The following UVRAG variants were observed in gnomAD, a reference collection of about 807,000 sequenced individuals.
The protein encoded by UVRAG is UV radiation resistance-associated gene protein.
UVRAG carries 19 observed loss-of-function variants against 78.0 expected under a neutral mutation model. The ratio of observed to expected loss-of-function variants is 0.24; its 90% CI spans 0.17 to 0.36. UVRAG has a LOEUF of 0.36. UVRAG is among the 10% of genes least tolerant of loss of function. The probability of loss-of-function intolerance (pLI) is 1.00; values close to 1 mark genes in which losing one functional copy is unlikely to be tolerated. For missense variants in UVRAG, 740 were observed against 853.8 expected (o/e 0.87, Z 1.66); for synonymous variants, 323 against 324.6 (o/e 1.00, Z 0.05).
At chr11:76,135,956 A>T (rs896797599) in intron 14 of UVRAG, among the ~76,000 whole-genome samples, 1 of 152,228 alleles carries the variant, frequency 6.6e-6, no homozygotes, top group African/African-American at 2.4e-5. Context: ...CAATATAAAT[A>T]ATGTACTAAT....
At chr11:76,072,198 A>G (rs185356182) in intron 13 of UVRAG, among the ~76,000 whole-genome samples, 18 of 152,282 alleles carry the variant, frequency 1.2e-4, no homozygotes, top group Admixed American at 1.2e-3. Flanking sequence ...GAACCAGCAA[A>G]AACTGAGAGG....
At chr11:75,969,452 AC>A (rs1203793053) in intron 7 of UVRAG, among the ~76,000 whole-genome samples, 4 of 152,190 alleles carry the variant, frequency 2.6e-5, no homozygotes, top group African/African-American at 9.6e-5. Context: ...TTCTGTTTTT[AC>A]AGTGGGGTGG....
intron 11 of UVRAG, among the ~76,000 whole-genome samples, chr11:76,011,271 C>A (rs1950045380): frequency 6.6e-6 from 1 of 152,108 alleles, no homozygotes; most frequent in Non-Finnish European, 1.5e-5. Context: ...ATTCCCATTC[C>A]CCATTACCCT....
At chr11:75,974,005 G>A (rs1046238808) in intron 7 of UVRAG, among the ~76,000 whole-genome samples, 6 of 152,172 alleles carry the variant, frequency 3.9e-5, no homozygotes, top group Admixed American at 6.5e-5. Context: ...GAATAGTGCC[G>A]CAATAAACAT....
intron 2 of UVRAG, among the ~76,000 whole-genome samples, chr11:75,858,993 G>A (rs943858275): frequency 5.3e-5 from 8 of 152,106 alleles, no homozygotes; most frequent in Non-Finnish European, 1.0e-4. Context: ...TGATTGCTTT[G>A]TTTCTTTCCG....
rs145484491 is a variant in UVRAG, at chr11:75,872,550, G to T, written c.271-7329G>T. Reference sequence around the variant, plus strand: ...ATACAGGCGCGCCCCACCACGCCCGGCTAATTTTTGTATTTTTTAGTAGAG... The same window carrying T: ...ATACAGGCGCGCCCCACCACGCCCGTCTAATTTTTGTATTTTTTAGTAGAG... On this transcript the variant is annotated intron_variant, in intron 3 of 14. Transcript: ENST00000356136. Among the ~76,000 whole-genome samples the T allele has an allele frequency of 8.9e-3, 1,358 of 152,072 alleles. 21 individuals are homozygous for T. Among genetic ancestry groups the T allele is most frequent in the African/African-American group, 0.032 (1,308 of 41,456 alleles).
intron 14 of UVRAG, among the ~76,000 whole-genome samples, chr11:76,134,675 T>G (rs1952570481): frequency 6.6e-6 from 1 of 152,210 alleles, no homozygotes; most frequent in South Asian, 2.1e-4. Context: ...TACTTGGAAT[T>G]TGAAGCCTAC....
At chr11:75,941,461 G>A (rs543670535) in intron 6 of UVRAG, among the ~76,000 whole-genome samples, 1 of 152,176 alleles carries the variant, frequency 6.6e-6, no homozygotes, top group South Asian at 2.1e-4. Flanking sequence ...AAGTTTCTCA[G>A]GTTTTTTTGT....
intron 8 of UVRAG, among the ~76,000 whole-genome samples, chr11:76,003,685 A>AT (rs1416146463): frequency 2.0e-5 from 3 of 152,092 alleles, no homozygotes; most frequent in Admixed American, 6.5e-5. Flanking sequence ...TTAATCACTC[A>AT]TTTTTTTAAA....
At chr11:75,985,051 C>G (rs974630416) in intron 8 of UVRAG, among the ~76,000 whole-genome samples, 5 of 152,040 alleles carry the variant, frequency 3.3e-5, no homozygotes, top group African/African-American at 1.2e-4. Context: ...GTATCTTCAG[C>G]TCTAGTAGAT....
intron 6 of UVRAG, among the ~76,000 whole-genome samples, chr11:75,952,867 G>A (rs944811348): frequency 2.4e-4 from 37 of 151,884 alleles, no homozygotes; most frequent in African/African-American, 8.7e-4. Context: ...CATTTTACCG[G>A]TGAAGCTATC....
rs1565325840 is a variant in UVRAG, at chr11:75,815,231, C to G, written c.-177C>G. On this transcript the variant is annotated 5_prime_UTR_variant, in exon 1 of 15. Transcript: ENST00000356136. ...CTGCGGTAATATGGCTCTTCCTTAG[C>G]CAGCGGCGGCAACGGCGGCAGCGGC... The G allele has an allele frequency of 2.2e-6, 1 of 445,270 alleles. No individual in the cohort carries two copies. Among genetic ancestry groups the G allele is most frequent in the African/African-American group, 2.1e-5 (1 of 48,560 alleles). The allele number at this position is 445,270 out of a possible 1,614,324, so 27.6% of individuals were successfully genotyped here. A position where few individuals can be genotyped will look rare whatever the true frequency, so the allele number is the denominator to read the frequency against.
intron 6 of UVRAG, among the ~76,000 whole-genome samples, chr11:75,931,486 G>GC (rs1415529183): frequency 6.6e-6 from 1 of 152,076 alleles, no homozygotes; most frequent in Non-Finnish European, 1.5e-5. Context: ...AACAAACTTA[G>GC]CCCCCAATTG....
intron 6 of UVRAG, among the ~76,000 whole-genome samples, chr11:75,922,326 T>A (rs1032509772): frequency 2.0e-5 from 3 of 152,182 alleles, no homozygotes; most frequent in Non-Finnish European, 2.9e-5. Flanking sequence ...AGGTGTTCCA[T>A]TCCATTCTTG....
chr11:75,836,174 A>G (rs956359623), intron 1 of UVRAG, among the ~76,000 whole-genome samples: 2 of 152,162 alleles, frequency 1.3e-5, no homozygotes, highest in Non-Finnish European at 2.9e-5. Flanking sequence ...CTTGAAGGTC[A>G]TCTAAGCCTT....
intron 1 of UVRAG, among the ~76,000 whole-genome samples, chr11:75,819,331 T>G (rs1303373933): frequency 1.3e-5 from 2 of 152,174 alleles, no homozygotes; most frequent in Non-Finnish European, 2.9e-5. Context: ...TGACACATTT[T>G]TTTTACACTT....
At chr11:75,840,476 A>AAACCCACAGCC (rs1322068056) in intron 1 of UVRAG, among the ~76,000 whole-genome samples, 2 of 152,150 alleles carry the variant, frequency 1.3e-5, no homozygotes, top group Non-Finnish European at 2.9e-5. Flanking sequence ...TAGAAATAAG[A>AAACCCACAGCC]AACCCACAGC....
chr11:75,930,935 C>CTTTA (rs1491181645), intron 6 of UVRAG: 1 of 131,216 alleles, frequency 7.6e-6, no homozygotes, highest in Non-Finnish European at 1.6e-5. Flanking sequence ...GATTTTCTTT[C>CTTTA]TTTCTTTCTT....
chr11:75,832,013 C>T (rs1482852822), intron 1 of UVRAG, among the ~76,000 whole-genome samples: 2 of 152,170 alleles, frequency 1.3e-5, no homozygotes, highest in Non-Finnish European at 2.9e-5. Flanking sequence ...TGTATGGGCA[C>T]TCCATGTACG....
Sources: allele counts gnomAD v4.1 joint callset (sites outside exome capture counted in the v4.1 genomes callset), GRCh38; gene constraint gnomAD v4.1.1; transcripts MANE v1.5; gene names NCBI Gene and HGNC (gene_info 2026-07-23, HGNC 2026-07-21).